The following SLC24A2 variants were observed in gnomAD, a reference collection of about 807,000 sequenced individuals.
SLC24A2 encodes sodium/potassium/calcium exchanger 2.
SLC24A2 carries 36 observed loss-of-function variants against 62.0 expected under a neutral mutation model. The observed-to-expected ratio is 0.58, with a 90% CI of 0.44 to 0.77. SLC24A2 has a LOEUF of 0.77. SLC24A2 is among the 30% of genes least tolerant of loss of function. The pLI, the probability that SLC24A2 is intolerant of heterozygous loss-of-function variation, is 0.00. For synonymous variants in SLC24A2, 358 were observed against 294.0 expected, an observed-to-expected ratio of 1.22 and a Z score of -2.23; for missense variants, 846 against 817.9, an observed-to-expected ratio of 1.03 and a Z score of -0.42.
the SLC24A2 span, among the ~76,000 whole-genome samples, chr9:19,885,482 A>G: frequency 1.3e-5 from 2 of 152,222 alleles, no homozygotes; most frequent in Non-Finnish European, 2.9e-5. Flanking sequence ...CAGAAACTCT[A>G]TGAAAGTTCG....
chr9:20,150,966 C>T, the SLC24A2 span, among the ~76,000 whole-genome samples: 1 of 151,836 alleles, frequency 6.6e-6, no homozygotes, highest in African/African-American at 2.4e-5. Context: ...ATTACTCTTA[C>T]AATCAAATAA....
chr9:19,712,521 A>C (rs184653827), intron 2 of SLC24A2, among the ~76,000 whole-genome samples: 2 of 152,296 alleles, frequency 1.3e-5, no homozygotes, highest in Admixed American at 1.3e-4. Flanking sequence ...ATAGGAGCTT[A>C]GTAAAGAGGG....
the SLC24A2 span, among the ~76,000 whole-genome samples, chr9:20,006,883 T>C: frequency 6.6e-6 from 1 of 152,142 alleles, no homozygotes; most frequent in Non-Finnish European, 1.5e-5. Flanking sequence ...ATTTATAAAA[T>C]GGGTACACAG....
intron 2 of SLC24A2, among the ~76,000 whole-genome samples, chr9:19,677,382 A>T (rs1388268367): frequency 6.6e-6 from 1 of 152,206 alleles, no homozygotes; most frequent in East Asian, 1.9e-4. Context: ...CTAAATGATG[A>T]GAACACATGG....
the SLC24A2 span, chr9:19,895,999 G>C: frequency 1.9e-6 from 3 of 1,566,688 alleles, no homozygotes; most frequent in Admixed American, 1.7e-5. Flanking sequence ...AGGTGCCTCA[G>C]TGTGACGGCA....
chr9:19,687,453 G>C (rs1356932094), intron 2 of SLC24A2, among the ~76,000 whole-genome samples: 1 of 152,028 alleles, frequency 6.6e-6, no homozygotes, highest in African/African-American at 2.4e-5. Flanking sequence ...CAATTAGGGA[G>C]CAAACAGACA....
chr9:19,567,808 G>A (rs80322115), intron 7 of SLC24A2, among the ~76,000 whole-genome samples: 115 of 151,740 alleles, frequency 7.6e-4, no homozygotes, highest in African/African-American at 2.6e-3. Flanking sequence ...GCTAGTGATC[G>A]CTCAGCCATT....
At chr9:19,739,027 G>C (rs1040188157) in intron 2 of SLC24A2, among the ~76,000 whole-genome samples, 1 of 152,154 alleles carries the variant, frequency 6.6e-6, no homozygotes, top group Non-Finnish European at 1.5e-5. Flanking sequence ...TGAGGCAGAA[G>C]AATCACTTGA....
chr9:19,993,105 T>C, the SLC24A2 span, among the ~76,000 whole-genome samples: 12 of 152,180 alleles, frequency 7.9e-5, no homozygotes, highest in African/African-American at 2.7e-4. Context: ...TAATTGACCC[T>C]ATTTAGTAAA....
the SLC24A2 span, among the ~76,000 whole-genome samples, chr9:20,236,152 C>T: frequency 6.6e-6 from 1 of 152,210 alleles, no homozygotes; most frequent in Non-Finnish European, 1.5e-5. Flanking sequence ...GATCTGCTTT[C>T]TTAGGGTAAC....
chr9:20,102,548 C>T, the SLC24A2 span, among the ~76,000 whole-genome samples: 7 of 151,780 alleles, frequency 4.6e-5, no homozygotes, highest in Admixed American at 6.6e-5. Context: ...ATGTAGATGA[C>T]GGGTTGATGG....
chr9:20,012,977 A>G, the SLC24A2 span, among the ~76,000 whole-genome samples: 3 of 152,138 alleles, frequency 2.0e-5, no homozygotes, highest in Non-Finnish European at 4.4e-5. Flanking sequence ...TGTTCATACT[A>G]TCCAAAGTTG....
the SLC24A2 span, among the ~76,000 whole-genome samples, chr9:19,852,116 C>T: frequency 6.6e-6 from 1 of 152,202 alleles, no homozygotes; most frequent in Non-Finnish European, 1.5e-5. Context: ...TTTCTTGCCA[C>T]ATAAATGTCT....
At chr9:19,535,415 G>T (rs897227450) in intron 8 of SLC24A2, among the ~76,000 whole-genome samples, 3 of 152,142 alleles carry the variant, frequency 2.0e-5, no homozygotes, top group African/African-American at 7.2e-5. Context: ...TTTTAGACAT[G>T]AAGTCTTTCC....
intron 2 of SLC24A2, among the ~76,000 whole-genome samples, chr9:19,662,010 C>G (rs1437296126): frequency 1.3e-5 from 2 of 152,204 alleles, no homozygotes; most frequent in Non-Finnish European, 2.9e-5. Context: ...CTTACTCATT[C>G]TTTACAGTAG....
chr9:20,282,278 A>T, the SLC24A2 span, among the ~76,000 whole-genome samples: 1 of 152,202 alleles, frequency 6.6e-6, no homozygotes, highest in Non-Finnish European at 1.5e-5. Flanking sequence ...TCCAAAAGAA[A>T]TAAGTTGAAA....
At chr9:19,588,131 C>A (rs969159600) in intron 5 of SLC24A2, among the ~76,000 whole-genome samples, 1 of 151,550 alleles carries the variant, frequency 6.6e-6, no homozygotes, top group Non-Finnish European at 1.5e-5. Context: ...ATCTCTGAAG[C>A]AGTAATGTGG....
chr9:19,808,773 T>G, the SLC24A2 span, among the ~76,000 whole-genome samples: 3 of 152,216 alleles, frequency 2.0e-5, no homozygotes, highest in Non-Finnish European at 4.4e-5. The surrounding 1 kb of genome is among the most constrained non-coding windows in gnomAD (Gnocchi z 4.1). Context: ...GTAATGAAAC[T>G]TTCTTCCCTT....
the SLC24A2 span, among the ~76,000 whole-genome samples, chr9:20,055,088 A>G: frequency 6.6e-6 from 1 of 152,168 alleles, no homozygotes; most frequent in African/African-American, 2.4e-5. Context: ...GAGGGGCAGG[A>G]ATGTATAGTT....
Sources: allele counts gnomAD v4.1 joint callset (sites outside exome capture counted in the v4.1 genomes callset), GRCh38; gene constraint gnomAD v4.1.1; non-coding constraint Gnocchi (gnomAD v3.1); transcripts MANE v1.5; gene names NCBI Gene and HGNC (gene_info 2026-07-23, HGNC 2026-07-21).